Variants in PPP1R1C observed in about 807,000 individuals in gnomAD.
The protein encoded by PPP1R1C is protein phosphatase 1 regulatory subunit 1C.
A neutral mutation model predicts 17.4 loss-of-function variants in PPP1R1C; 15 were observed. That is an observed-to-expected ratio of 0.86 (90% CI 0.58 to 1.33). PPP1R1C has a LOEUF of 1.33. Among genes scored for constraint, PPP1R1C ranks in the 40% most tolerant of loss-of-function variants. The pLI, the probability that PPP1R1C is intolerant of heterozygous loss-of-function variation, is 0.00. For missense variants in PPP1R1C, 143 were observed against 130.0 expected, an observed-to-expected ratio of 1.10 and a Z score of -0.48; for synonymous variants, 35 against 43.1, an observed-to-expected ratio of 0.81 and a Z score of 0.73.
intron 2 of PPP1R1C, among the ~76,000 whole-genome samples, chr2:182,038,958 A>G (rs1405133727): frequency 2.0e-5 from 3 of 152,100 alleles, no homozygotes; most frequent in African/African-American, 4.8e-5. Flanking sequence ...TCCTTAATTC[A>G]CTCCCTTTTA....
intron 4 of PPP1R1C, among the ~76,000 whole-genome samples, chr2:182,085,052 C>T (rs1460838663): frequency 6.6e-6 from 1 of 151,944 alleles, no homozygotes; most frequent in African/African-American, 2.4e-5. Context: ...TAATTCTCAG[C>T]TTGGTCATTG....
At position 182,029,227 on chromosome 2, in the gene PPP1R1C, T is replaced by G. The variant is rs74182892; in HGVS notation, c.143-32215T>G. 6.0e-4 allele frequency among the ~76,000 whole-genome samples: 91 copies of G among 150,740 alleles called. 1 individual carries two copies. Among genetic ancestry groups the G allele is most frequent in the African/African-American group, 1.9e-3 (77 of 40,460 alleles). ...GTCCATTTACATTTAAAGTTAATAT[T>G]GTCATGTGTGAATTTGATCCTGTCA... is the stretch of plus-strand genomic sequence containing the variant. On this transcript the variant is annotated intron_variant, in intron 2 of 4. Transcript: ENST00000682840.
At chr2:181,972,602 T>C (rs1362028597) in intron 1 of PPP1R1C, among the ~76,000 whole-genome samples, 1 of 152,144 alleles carries the variant, frequency 6.6e-6, no homozygotes, top group Non-Finnish European at 1.5e-5. Flanking sequence ...AAAGTAGAGA[T>C]GTTTGCTAAG....
chr2:182,073,151 C>A (rs1688188408), intron 4 of PPP1R1C, among the ~76,000 whole-genome samples: 1 of 152,002 alleles, frequency 6.6e-6, no homozygotes, highest in South Asian at 2.1e-4. Context: ...CGCCTTCCTG[C>A]CAGTTCTAAA....
chr2:181,977,132 TAAAAAAAAAAAAAAAAAAAAAAA>T (rs67129466), intron 2 of PPP1R1C, among the ~76,000 whole-genome samples: 38 of 19,800 alleles, frequency 1.9e-3, no homozygotes, highest in Admixed American at 3.6e-3. Context: ...AGAATCTATC[TAAAAAAAAAAAAAAAAAAAAAAA>T]AAAAAAAAAA....
At chr2:182,111,444 T>C (rs1689414085) in intron 4 of PPP1R1C, among the ~76,000 whole-genome samples, 1 of 152,124 alleles carries the variant, frequency 6.6e-6, no homozygotes, top group Non-Finnish European at 1.5e-5. Context: ...TACATATAAT[T>C]TACGTCAAAT....
At chr2:182,066,341 A>G (rs991740765) in intron 4 of PPP1R1C, among the ~76,000 whole-genome samples, 9 of 152,056 alleles carry the variant, frequency 5.9e-5, no homozygotes, top group Admixed American at 1.3e-4. Flanking sequence ...TCCTGACTCT[A>G]TTATTCATTC....
At chr2:182,015,197 G>A (rs1204014294) in intron 2 of PPP1R1C, among the ~76,000 whole-genome samples, 2 of 152,180 alleles carry the variant, frequency 1.3e-5, no homozygotes, top group Admixed American at 6.5e-5. Context: ...TGTTGTGGGA[G>A]TGACCTGGTG....
chr2:182,092,853 C>A (rs897521283), intron 4 of PPP1R1C, among the ~76,000 whole-genome samples: 1 of 152,170 alleles, frequency 6.6e-6, no homozygotes, highest in African/African-American at 2.4e-5. Context: ...AGGGTACAGC[C>A]TCCCTTCTGG....
intron 2 of PPP1R1C, among the ~76,000 whole-genome samples, chr2:182,053,311 A>G (rs982468202): frequency 9.2e-5 from 14 of 152,204 alleles, no homozygotes; most frequent in African/African-American, 3.4e-4. Flanking sequence ...ACTTTGAGCG[A>G]ATAGTTGATC....
intron 2 of PPP1R1C, among the ~76,000 whole-genome samples, chr2:181,977,605 T>C (rs1685116490): frequency 6.6e-6 from 1 of 152,162 alleles, no homozygotes; most frequent in East Asian, 1.9e-4. Context: ...GTAAGAATAA[T>C]ACTAATGATT....
chr2:182,088,098 A>C (rs531253528), intron 4 of PPP1R1C, among the ~76,000 whole-genome samples: 1 of 152,162 alleles, frequency 6.6e-6, no homozygotes, highest in East Asian at 1.9e-4. Context: ...CTTTCATGGA[A>C]GTTTCCCTCT....
chr2:182,121,185 C>T (rs1351884446), downstream of PPP1R1C, among the ~76,000 whole-genome samples: 1 of 151,948 alleles, frequency 6.6e-6, no homozygotes, highest in Non-Finnish European at 1.5e-5. Context: ...TTGTTTGTAG[C>T]TGGACTTTGA....
intron 2 of PPP1R1C, among the ~76,000 whole-genome samples, chr2:182,055,655 G>A (rs1050921705): frequency 6.6e-6 from 1 of 152,148 alleles, no homozygotes; most frequent in Non-Finnish European, 1.5e-5. Context: ...GAATTCTACA[G>A]TTGATAGTTC....
intron 2 of PPP1R1C, among the ~76,000 whole-genome samples, chr2:182,046,366 A>G (rs1339482845): frequency 6.6e-6 from 1 of 152,056 alleles, no homozygotes; most frequent in Non-Finnish European, 1.5e-5. Context: ...GTGAAACCCA[A>G]TATTAAACAT....
chr2:182,128,243 A>T (rs935937544), intron 5 of PPP1R1C, among the ~76,000 whole-genome samples: 1 of 152,134 alleles, frequency 6.6e-6, no homozygotes, highest in African/African-American at 2.4e-5. Flanking sequence ...TAATGAAATC[A>T]TTTCTGATAA....
intron 4 of PPP1R1C, among the ~76,000 whole-genome samples, chr2:182,084,214 G>A (rs1688563959): frequency 6.6e-6 from 1 of 151,920 alleles, no homozygotes; most frequent in Non-Finnish European, 1.5e-5. Flanking sequence ...CCATTCTGTG[G>A]GTTGTCTGTT....
chr2:181,978,218 C>T (rs535695540), intron 2 of PPP1R1C, among the ~76,000 whole-genome samples: 30 of 152,246 alleles, frequency 2.0e-4, no homozygotes, highest in Admixed American at 1.5e-3. Context: ...TCCACCTGGC[C>T]CTGCCCTTAA....
downstream of PPP1R1C, chr2:182,131,088 A>C (rs138723831): frequency 6.6e-6 from 1 of 152,322 alleles, no homozygotes; most frequent in East Asian, 1.9e-4. Context: ...CCACAACTAT[A>C]TCTGTAGAAG....
Sources: allele counts gnomAD v4.1 joint callset (sites outside exome capture counted in the v4.1 genomes callset), GRCh38; gene constraint gnomAD v4.1.1; transcripts MANE v1.5; gene names NCBI Gene and HGNC (gene_info 2026-07-23, HGNC 2026-07-21).